Variants in GABRG3 observed in about 807,000 individuals in gnomAD.
GABRG3 encodes the protein gamma-aminobutyric acid type A receptor subunit gamma3.
Under a neutral mutation model 48.8 loss-of-function variants are expected in GABRG3, and 25 were observed. The observed-to-expected ratio is 0.51, with a 90% CI of 0.37 to 0.72. The LOEUF (loss-of-function observed/expected upper bound fraction) is 0.72. Among genes scored for constraint, GABRG3 ranks in the 30% least tolerant of loss-of-function variants. The pLI is 0.00. For missense variants in GABRG3, 394 were observed against 577.9 expected (o/e 0.68, Z 3.26); for synonymous variants, 227 against 217.6 (o/e 1.04, Z -0.38).
At chr15:27,038,682 G>C (rs117893694) in intron 3 of GABRG3, among the ~76,000 whole-genome samples, 2,487 of 152,290 alleles carry the variant, frequency 0.016, 46 homozygotes, top group Non-Finnish European at 0.021. Flanking sequence ...CCAAGCTCTT[G>C]GGGCCTGGGG....
intron 3 of GABRG3, among the ~76,000 whole-genome samples, chr15:27,238,244 C>G (rs1441131346): frequency 5.3e-5 from 8 of 152,308 alleles, no homozygotes; most frequent in Non-Finnish European, 1.0e-4. Flanking sequence ...ACTGAACTTA[C>G]AGTTGTTTGA....
At chr15:27,156,327 A>G (rs563577438) in intron 3 of GABRG3, among the ~76,000 whole-genome samples, 3 of 151,238 alleles carry the variant, frequency 2.0e-5, no homozygotes, top group African/African-American at 7.3e-5. Context: ...AAAAAGAAAG[A>G]AATAGAAGTA....
At chr15:27,474,641 G>A (rs1450248549) in intron 5 of GABRG3, among the ~76,000 whole-genome samples, 12 of 152,154 alleles carry the variant, frequency 7.9e-5, no homozygotes, top group Admixed American at 7.9e-4. Flanking sequence ...AGAGTAGGAA[G>A]TGTTTTATAA....
At chr15:27,108,313 AT>A (rs2140368941) in intron 3 of GABRG3, among the ~76,000 whole-genome samples, 1 of 152,266 alleles carries the variant, frequency 6.6e-6, no homozygotes, top group South Asian at 2.1e-4. Context: ...TTTATGGGTT[AT>A]TGCAGAGTAT....
chr15:27,308,147 T>TGG (rs1566773192), intron 3 of GABRG3, among the ~76,000 whole-genome samples: 4 of 93,834 alleles, frequency 4.3e-5, no homozygotes, highest in Non-Finnish European at 2.2e-5. Context: ...TGTTTATACA[T>TGG]CCAAACATAT....
At chr15:27,216,163 G>A (rs1419128515) in intron 3 of GABRG3, among the ~76,000 whole-genome samples, 1 of 152,226 alleles carries the variant, frequency 6.6e-6, no homozygotes, top group Non-Finnish European at 1.5e-5. Context: ...AACTAAGGAG[G>A]TGGATCCCAG....
chr15:27,259,041 C>G (rs1402896473), intron 3 of GABRG3, among the ~76,000 whole-genome samples: 3 of 152,130 alleles, frequency 2.0e-5, no homozygotes, highest in Admixed American at 1.3e-4. Context: ...ATAATGAACT[C>G]CAGACTCATC....
chr15:27,448,188 AAT>A (rs1371656725), intron 5 of GABRG3, among the ~76,000 whole-genome samples: 3 of 152,176 alleles, frequency 2.0e-5, no homozygotes, highest in Non-Finnish European at 4.4e-5. Context: ...AGAAAACTGT[AAT>A]ATATTTACCC....
intron 3 of GABRG3, among the ~76,000 whole-genome samples, chr15:27,253,459 T>C (rs747849559): frequency 2.6e-5 from 4 of 152,240 alleles, no homozygotes; most frequent in Non-Finnish European, 5.9e-5. Flanking sequence ...TGTCTCCTTA[T>C]GGCTTTGAGA....
At chr15:27,310,060 C>T (rs541589632) in intron 3 of GABRG3, among the ~76,000 whole-genome samples, 4 of 152,040 alleles carry the variant, frequency 2.6e-5, no homozygotes, top group Admixed American at 6.6e-5. Flanking sequence ...AAGCCACACA[C>T]CAAAGGTTGA....
chr15:27,028,073 C>G (rs572760026), intron 3 of GABRG3, among the ~76,000 whole-genome samples: 2 of 152,142 alleles, frequency 1.3e-5, no homozygotes, highest in African/African-American at 4.8e-5. Flanking sequence ...TTAGAATTTA[C>G]TTTGTGCCTC....
chr15:27,239,129 C>G (rs34935928), intron 3 of GABRG3, among the ~76,000 whole-genome samples: 36,963 of 152,098 alleles, frequency 0.24, 6,529 homozygotes, highest in African/African-American at 0.5. Context: ...AGATTACATA[C>G]TGATTTTGCA....
intron 2 of GABRG3, among the ~76,000 whole-genome samples, chr15:26,994,167 A>G (rs940700858): frequency 6.6e-6 from 1 of 151,682 alleles, no homozygotes; most frequent in Non-Finnish European, 1.5e-5. Flanking sequence ...TCAGCCCTCC[A>G]TGTCTTTTGA....
At chr15:27,348,659 T>C (rs996273368) in intron 5 of GABRG3, among the ~76,000 whole-genome samples, 3 of 152,186 alleles carry the variant, frequency 2.0e-5, no homozygotes, top group African/African-American at 7.2e-5. Context: ...CTAATACTAA[T>C]ACATAATAAT....
intron 3 of GABRG3, among the ~76,000 whole-genome samples, chr15:27,213,314 A>G (rs2140436028): frequency 6.6e-6 from 1 of 152,338 alleles, no homozygotes; most frequent in South Asian, 2.1e-4. Context: ...TTTAAAGATT[A>G]ATTGGCTTTT....
chr15:27,434,727 A>T (rs1223135510), intron 5 of GABRG3, among the ~76,000 whole-genome samples: 3 of 152,210 alleles, frequency 2.0e-5, no homozygotes, highest in Admixed American at 6.5e-5. Flanking sequence ...CCAGAGCAGC[A>T]GTATGAGGCA....
chr15:27,378,647 T>C (rs1275957426), intron 5 of GABRG3, among the ~76,000 whole-genome samples: 1 of 152,230 alleles, frequency 6.6e-6, no homozygotes, highest in East Asian at 1.9e-4. Flanking sequence ...ATGTTTTGGC[T>C]TCATAGTTTA....
At chr15:27,233,547 C>G (rs1478192300) in intron 3 of GABRG3, among the ~76,000 whole-genome samples, 4 of 152,144 alleles carry the variant, frequency 2.6e-5, no homozygotes, top group African/African-American at 9.7e-5. Flanking sequence ...ATGCGGGCAT[C>G]TCTCTTCCTC....
intron 3 of GABRG3, among the ~76,000 whole-genome samples, chr15:27,113,491 G>A (rs1897589990): frequency 6.6e-6 from 1 of 152,132 alleles, no homozygotes; most frequent in African/African-American, 2.4e-5. Context: ...TGACCCAGGT[G>A]GAGGGCTGGG....
Sources: allele counts gnomAD v4.1 joint callset (sites outside exome capture counted in the v4.1 genomes callset), GRCh38; gene constraint gnomAD v4.1.1; transcripts MANE v1.5; gene names NCBI Gene and HGNC (gene_info 2026-07-23, HGNC 2026-07-21).